SYCN: variants seen among roughly 807,000 people sequenced by gnomAD.
SYCN encodes syncollin.
A neutral mutation model predicts 12.6 loss-of-function variants in SYCN; 16 were observed. That is an observed-to-expected ratio of 1.27 (90% CI 0.86 to 1.92). SYCN has a LOEUF of 1.92. SYCN is among the 30% of genes most tolerant of loss of function. The probability of loss-of-function intolerance (pLI) is 0.00; values close to 1 mark genes in which losing one functional copy is unlikely to be tolerated. For synonymous variants in SYCN, 97 were observed against 88.4 expected (o/e 1.10, Z -0.55); for missense variants, 226 against 181.8 (o/e 1.24, Z -1.40).
At chr19:39,203,792 G>T in intron 1 of SYCN, 68 bp downstream of exon 1, 1 of 1,498,980 alleles carries the variant, frequency 6.7e-7, no homozygotes, top group Non-Finnish European at 8.9e-7. Flanking sequence ...TGGGTGGTGG[G>T]TGTGGGGGCT....
At chr19:39,203,262 G>A (rs893128342) in intron 1 of SYCN, among the ~76,000 whole-genome samples, 2 of 151,846 alleles carry the variant, frequency 1.3e-5, no homozygotes, top group South Asian at 2.1e-4. Context: ...GGACCTCCAG[G>A]GTTGGGTCTT....
Position 39,204,093 on chromosome 19 carries a change from C to G in SYCN, c.162G>C (p.Gly54=), listed in dbSNP as rs377695925. The G allele has an allele frequency of 5.5e-5, 88 of 1,612,900 alleles. No individual in the cohort carries two copies. Among genetic ancestry groups the G allele is most frequent in the Non-Finnish European group, 7.2e-5 (85 of 1,179,622 alleles). The part of the protein sequence containing the change: ...KSDPYYENCC[G]GAELSLESGA... Reference sequence around the variant, plus strand: ...CCGACTCCAGCGACAGCTCGGCGCCCCCGCAGCAGTTCTCATAGTAGGGGT... The same window carrying G: ...CCGACTCCAGCGACAGCTCGGCGCCGCCGCAGCAGTTCTCATAGTAGGGGT... Residue 54 remains glycine, a synonymous_variant, in exon 1 of 2, where the codon GGG becomes GGC. Transcript: ENST00000318438.
chr19:39,203,768 G>A (rs922170924), intron 1 of SYCN, 92 bp downstream of exon 1: 10 of 1,420,952 alleles, frequency 7.0e-6, no homozygotes, highest in African/African-American at 2.9e-5. Context: ...GGGGTGTGGA[G>A]CAGCCTCGGG....
At position 39,204,005 on chromosome 19, in the gene SYCN, G is replaced by C. The variant is rs753343143; in HGVS notation, c.250C>G (p.Pro84Ala). 1 of 1,610,832 alleles carries C rather than the reference G, an allele frequency of 6.2e-7. No individual in the cohort carries two copies. Among genetic ancestry groups the C allele is most frequent in the Admixed American group, 1.7e-5 (1 of 59,498 alleles). ...GACCACACGGTGAGCTCGCAGCGCGGGGCCACCACAAGTGAGGAGGCGGTG... is the reference window on the plus strand; with the variant it reads ...GACCACACGGTGAGCTCGCAGCGCGCGGCCACCACAAGTGAGGAGGCGGTG... ...ANTASSLVVA[P>A]RCELTVWSRQ... is the part of the protein sequence containing the mutation. The change falls in exon 1 of 2, where the codon CCG becomes GCG. Residue 84 changes from proline (P) to alanine (A), a missense_variant. Pro to Ala is a conservative substitution (Grantham distance 27). Coordinates refer to ENST00000318438, the MANE Select transcript of SYCN (RefSeq NM_001080468.4).
Position 39,204,197 on chromosome 19 carries a change from G to C in SYCN, c.58C>G (p.Gln20Glu). 6.2e-7 allele frequency: 1 copy of C among 1,609,588 alleles called. No individual in the cohort carries two copies. Among genetic ancestry groups the C allele is most frequent in the Non-Finnish European group, 8.5e-7 (1 of 1,179,142 alleles). The stretch of plus-strand genomic sequence containing the variant: ...TCGGCGGAGGCGGGGCAGGCGCCCT[G>C]GGCGCAAGGCACGGAGGCAAGGGCC... ...ALALASVPCA[Q>E]GACPASADLK... is the part of the protein sequence containing the mutation. The change falls in exon 1 of 2, where the codon CAG becomes GAG. Residue 20 changes from glutamine (Q) to glutamate (E), a missense_variant. Transcript: ENST00000318438.
Position 39,203,911 on chromosome 19 carries a change from C to G in SYCN, c.344G>C (p.Arg115Pro). ...AGTYPRLEEYRRGILGDWSNA... is the reference protein window; with the variant it reads ...AGTYPRLEEYPRGILGDWSNA... ...GGACCAGTCTCCTAAGATGCCCCGG[C>G]GGTACTCCTCCAGGCGCGGGTAGGT... Residue 115 changes from arginine (R) to proline (P), a missense_variant, in exon 1 of 2, where the codon CGC (arginine) becomes CCC (proline). By Grantham distance (103) the Arg-to-Pro change is moderately radical. Transcript: ENST00000318438. The G allele has an allele frequency of 6.2e-7, 1 of 1,611,560 alleles. No individual in the cohort carries two copies. Among genetic ancestry groups the G allele is most frequent in the Non-Finnish European group, 8.5e-7 (1 of 1,178,858 alleles).
chr19:39,203,907 C>G lies in SYCN; in HGVS notation c.348G>C (p.Arg116=). ...CGTTGGACCAGTCTCCTAAGATGCC[C>G]CGGCGGTACTCCTCCAGGCGCGGGT... ...GTYPRLEEYR[R]GILGDWSNAI... is the part of the protein sequence containing the mutation. The change falls in exon 1 of 2, where the codon CGG becomes CGC. Residue 116 remains arginine, a synonymous_variant. Transcript: ENST00000318438. 1 of 1,611,630 alleles carries G rather than the reference C, an allele frequency of 6.2e-7. No individual in the cohort carries two copies. The highest frequency in any genetic ancestry group is 8.5e-7 in the Non-Finnish European group (1 of 1,178,902).
In SYCN at chr19:39,204,181, G is replaced by A; in HGVS notation, c.74C>T (p.Ala25Val). 6.2e-7 allele frequency: 1 copy of A among 1,611,218 alleles called. No individual in the cohort carries two copies. Among genetic ancestry groups the A allele is most frequent in the Non-Finnish European group, 8.5e-7 (1 of 1,179,458 alleles). ...GTCCGAGTGCTTGAGGTCGGCGGAG[G>A]CGGGGCAGGCGCCCTGGGCGCAAGG... is the stretch of plus-strand genomic sequence containing the variant. ...SVPCAQGACP[A>V]SADLKHSDGT... is the part of the protein sequence containing the mutation. Residue 25 changes from alanine to valine, a missense_variant, in exon 1 of 2, where the codon GCC becomes GTC. Physicochemically the swap from Ala to Val is moderately conservative, Grantham distance 64. Transcript: ENST00000318438.
Position 39,204,102 on chromosome 19 carries a change from G to T in SYCN, c.153C>A (p.Asn51Lys), listed in dbSNP as rs931549422. 1.2e-6 allele frequency: 2 copies of T among 1,613,068 alleles called. No homozygotes were observed. The highest frequency in any genetic ancestry group is 2.7e-5 in the African/African-American group (2 of 74,934). Residue 51 changes from asparagine to lysine, a missense_variant, in exon 1 of 2, where the codon AAC becomes AAA. Physicochemically the swap from Asn to Lys is moderately conservative, Grantham distance 94. Transcript: ENST00000318438. ...LYDKSDPYYE[N>K]CCGGAELSLE... ...GCGACAGCTCGGCGCCCCCGCAGCA[G>T]TTCTCATAGTAGGGGTCGCTCTTGT...
rs200026329 is a variant in SYCN, at chr19:39,204,176, C to T, written c.79G>A (p.Ala27Thr). 507 of 1,611,574 alleles carry T rather than the reference C, an allele frequency of 3.1e-4. No individual in the cohort carries two copies. Among genetic ancestry groups the T allele is most frequent in the Non-Finnish European group, 4.1e-4 (479 of 1,179,506 alleles). The change falls in exon 1 of 2, where the codon GCC becomes ACC. Residue 27 changes from alanine to threonine, a missense_variant. Physicochemically the swap from Ala to Thr is moderately conservative, Grantham distance 58. Coordinates refer to ENST00000318438, the MANE Select transcript of SYCN (RefSeq NM_001080468.4). The part of the protein sequence containing the change: ...PCAQGACPAS[A>T]DLKHSDGTRT... ...GTCCCGTCCGAGTGCTTGAGGTCGGCGGAGGCGGGGCAGGCGCCCTGGGCG... is the reference window on the plus strand; with the variant it reads ...GTCCCGTCCGAGTGCTTGAGGTCGGTGGAGGCGGGGCAGGCGCCCTGGGCG...
intron 1 of SYCN, 84 bp downstream of exon 1, chr19:39,203,775 CG>C (rs778083032): frequency 1.3e-5 from 19 of 1,449,584 alleles, no homozygotes; most frequent in Non-Finnish European, 1.6e-5. Context: ...GGAGCAGCCT[CG>C]GGGCTTGGGT....
At chr19:39,203,078 G>T in intron 1 of SYCN, 82 bp from the exon 2 acceptor site, 1 of 1,457,588 alleles carries the variant, frequency 6.9e-7, no homozygotes, top group South Asian at 1.2e-5. Context: ...GACTGGGTGG[G>T]GGCTGGGGAG....
In SYCN at chr19:39,203,849, C is replaced by T. The variant is rs746722590; in HGVS notation, c.395+11G>A. On this transcript the variant is annotated intron_variant, in intron 1 of 1. Transcript: ENST00000318438. ...CCTGGGGTGGGCTCGGAGCTTTGGG[C>T]GGCCGGGCACCTGCAGTAGAGCGCG... 5.1e-5 allele frequency: 80 copies of T among 1,568,370 alleles called. No individual in the cohort carries two copies. Among genetic ancestry groups the T allele is most frequent in the Non-Finnish European group, 4.5e-5 (52 of 1,153,550 alleles).
chr19:39,203,896 C>T lies in SYCN; in HGVS notation c.359G>A (p.Gly120Glu), dbSNP rs751304845. 71 of 1,611,068 alleles carry T rather than the reference C, an allele frequency of 4.4e-5. No homozygotes were observed. In the Middle Eastern group the frequency reaches 6.6e-4, roughly 15 times the overall value. ...RLEEYRRGIL[G>E]DWSNAISALY... is the part of the protein sequence containing the mutation. Reference sequence around the variant, plus strand: ...CGCGGAGATAGCGTTGGACCAGTCTCCTAAGATGCCCCGGCGGTACTCCTC... The same window carrying T: ...CGCGGAGATAGCGTTGGACCAGTCTTCTAAGATGCCCCGGCGGTACTCCTC... The change falls in exon 1 of 2, where the codon GGA becomes GAA. Residue 120 changes from glycine (G) to glutamate (E), a missense_variant. Coordinates refer to ENST00000318438, the MANE Select transcript of SYCN (RefSeq NM_001080468.4).
At position 39,202,947 on chromosome 19, in the gene SYCN, G is replaced by T; in HGVS notation, c.*40C>A. 1 of 1,575,294 alleles carries T rather than the reference G, an allele frequency of 6.3e-7. No homozygotes were observed. Among genetic ancestry groups the T allele is most frequent in the East Asian group, 2.3e-5 (1 of 42,894 alleles). On this transcript the variant is annotated 3_prime_UTR_variant, in exon 2 of 2. Transcript: ENST00000318438. ...CAGGGATGGGCTGAGTGAGGGGCTT[G>T]GCACTCTGTGGAAGCTGCAGATGAG...
intron 1 of SYCN, 131 bp from the exon 2 acceptor site, chr19:39,203,127 T>C (rs1393725711): frequency 1.1e-6 from 1 of 941,554 alleles, no homozygotes; most frequent in East Asian, 2.7e-5. Context: ...CCAGGGATCC[T>C]AGCCTGGGAG....
chr19:39,203,563 A>G (rs1010323822), intron 1 of SYCN, among the ~76,000 whole-genome samples: 1 of 151,882 alleles, frequency 6.6e-6, no homozygotes, highest in Admixed American at 6.6e-5. Context: ...AGATTCCAGA[A>G]GGTGGAGGGT....
intron 1 of SYCN, 99 bp downstream of exon 1, chr19:39,203,761 G>C: frequency 1.5e-6 from 2 of 1,376,974 alleles, no homozygotes; most frequent in Non-Finnish European, 1.9e-6. Context: ...GAGCTCAGGG[G>C]TGTGGAGCAG....
Position 39,204,050 on chromosome 19 carries a change from G to T in SYCN, c.205C>A (p.Leu69Met), listed in dbSNP as rs1438124689. ...GCGGTGTTGGCCCAGTTGGAGGGCA[G>T]GTAGGGCAGGTCTGCGCCCGACTCC... is the stretch of plus-strand genomic sequence containing the variant. Reference protein sequence around the residue: ...SLESGADLPYLPSNWANTASS... With the variant: ...SLESGADLPYMPSNWANTASS... The change falls in exon 1 of 2, where the codon CTG becomes ATG. Residue 69 changes from leucine to methionine, a missense_variant. Leu to Met is a conservative substitution (Grantham distance 15). Transcript: ENST00000318438. The T allele has an allele frequency of 3.7e-6, 6 of 1,612,802 alleles. No homozygotes were observed. The highest frequency in any genetic ancestry group is 3.3e-4 in the Middle Eastern group (2 of 6,044).
Sources: gnomAD v4.1 joint callset for allele counts (sites outside exome capture counted in the v4.1 genomes callset) on GRCh38, gnomAD v4.1.1 for gene constraint, MANE v1.5 for transcripts, NCBI Gene and HGNC (gene_info 2026-07-23, HGNC 2026-07-21) for gene names.